Variants in CLCA2 observed in about 807,000 individuals in gnomAD.
CLCA2 encodes chloride channel accessory 2.
A neutral mutation model predicts 82.9 loss-of-function variants in CLCA2; 85 were observed. The observed-to-expected ratio is 1.03, with a 90% confidence interval of 0.86 to 1.23. The LOEUF is 1.23. CLCA2 is among the 50% of genes most tolerant of loss of function. CLCA2 has a pLI of 0.00. For synonymous variants in CLCA2, 421 were observed against 391.7 expected (o/e 1.07, Z -0.88); for missense variants, 1,089 against 1,124.8 (o/e 0.97, Z 0.45).
intron 5 of CLCA2, among the ~76,000 whole-genome samples, chr1:86,433,342 C>A (rs1336367878): frequency 6.6e-6 from 1 of 152,196 alleles, no homozygotes; most frequent in Non-Finnish European, 1.5e-5. Context: ...CCACACATGC[C>A]TCTGTGGAGT....
Position 86,438,930 on chromosome 1 carries a change from G to GT in CLCA2, c.1029dup (p.Glu344Ter), listed in dbSNP as rs770190584. 6.2e-7 allele frequency: 1 copy of GT among 1,614,114 alleles called. No individual in the cohort carries two copies. Among genetic ancestry groups the GT allele is most frequent in the Non-Finnish European group, 8.5e-7 (1 of 1,180,008 alleles). ...CGCAGAATTTTATTTGATGCAGATT[G>GT]TTGAAATTCATACCTTCGTGGGCAT... On this transcript the variant is annotated frameshift_variant, in exon 7 of 14. Coordinates refer to ENST00000370565, the MANE Select transcript of CLCA2 (RefSeq NM_006536.7). LOFTEE classifies it high-confidence loss of function.
intron 12 of CLCA2, among the ~76,000 whole-genome samples, chr1:86,452,659 C>T (rs1211866685): frequency 6.6e-6 from 1 of 152,126 alleles, no homozygotes; most frequent in Non-Finnish European, 1.5e-5. Context: ...TTTAGCTGGA[C>T]AGTTCCTACT....
chr1:86,427,564 A>T (rs1662413635), intron 2 of CLCA2, among the ~76,000 whole-genome samples: 1 of 151,864 alleles, frequency 6.6e-6, no homozygotes, highest in Admixed American at 6.6e-5. Flanking sequence ...ACACACACAC[A>T]CACACACACA....
chr1:86,442,875 T>C (rs1195828431), intron 9 of CLCA2, among the ~76,000 whole-genome samples: 3 of 152,316 alleles, frequency 2.0e-5, no homozygotes, highest in East Asian at 1.9e-4. Context: ...TTCCCATCTC[T>C]AAAATGTGGA....
At chr1:86,442,443 A>G (rs1190138407) in intron 9 of CLCA2, among the ~76,000 whole-genome samples, 1 of 152,228 alleles carries the variant, frequency 6.6e-6, no homozygotes, top group African/African-American at 2.4e-5. Flanking sequence ...GGGATCAAAT[A>G]AGCCTTAACG....
In CLCA2 at chr1:86,428,508, A is replaced by G. The variant is rs752820196; in HGVS notation, c.415A>G (p.Ile139Val). The change falls in exon 3 of 14, where the codon ATT becomes GTT. Residue 139 changes from isoleucine (I) to valine (V), a missense_variant. Physicochemically the swap from Ile to Val is conservative, Grantham distance 29. Coordinates refer to ENST00000370565, the MANE Select transcript of CLCA2 (RefSeq NM_006536.7). ...YRGCGKEGKY[I>V]HFTPNFLLND... Reference sequence around the variant, plus strand: ...AGGGTGTGGAAAAGAGGGAAAATACATTCATTTCACACCTAATTTCCTACT... The same window carrying G: ...AGGGTGTGGAAAAGAGGGAAAATACGTTCATTTCACACCTAATTTCCTACT... The G allele has an allele frequency of 1.6e-5, 26 of 1,613,782 alleles. No individual in the cohort carries two copies. The South Asian group carries it at 2.9e-4, about 18-fold the overall frequency.
intron 3 of CLCA2, 84 bp from the exon 4 acceptor site, chr1:86,430,778 C>A: frequency 1.0e-6 from 1 of 991,806 alleles, no homozygotes; most frequent in South Asian, 1.3e-5. Flanking sequence ...TATGTGTGGT[C>A]AAGAAATGTT....
In CLCA2 at chr1:86,452,583, C is replaced by T. The variant is rs1044497522; in HGVS notation, c.2156-786C>T. On this transcript the variant is annotated intron_variant, in intron 12 of 13. Transcript: ENST00000370565. ...CTTGCTTTTAATTTAGCTTTTCTAA[C>T]TTGAAACCTCTTTTTCACCTCAGGG... Among the ~76,000 whole-genome samples, 5 of 152,136 alleles carry T rather than the reference C, an allele frequency of 3.3e-5. No homozygotes were observed. The East Asian group carries it at 5.8e-4, about 18-fold the overall frequency.
At chr1:86,428,016 C>T (rs548352790) in intron 2 of CLCA2, among the ~76,000 whole-genome samples, 73 of 152,198 alleles carry the variant, frequency 4.8e-4, no homozygotes, top group Admixed American at 1.2e-3. Flanking sequence ...TGGTTCTGAA[C>T]GATGTATAAA....
In CLCA2 at chr1:86,451,257, T is replaced by C. The variant is rs185053996; in HGVS notation, c.2155+524T>C. Among the ~76,000 whole-genome samples the C allele has an allele frequency of 4.6e-5, 7 of 152,344 alleles. No individual in the cohort carries two copies. The East Asian group carries it at 1.3e-3, about 29-fold the overall frequency. Reference sequence around the variant, plus strand: ...CAAAATAAATGGAAGATAGTTATCTTTTTAACACCATTATAATAGTTCCTG... The same window carrying C: ...CAAAATAAATGGAAGATAGTTATCTCTTTAACACCATTATAATAGTTCCTG... On this transcript the variant is annotated intron_variant, in intron 12 of 13. Transcript: ENST00000370565.
At chr1:86,432,243 C>A in intron 4 of CLCA2, 126 bp from the exon 5 acceptor site, 2 of 1,071,594 alleles carry the variant, frequency 1.9e-6, no homozygotes, top group Non-Finnish European at 2.7e-6. Context: ...GCCAGTAGAG[C>A]AGTTTTTAAA....
intron 6 of CLCA2, among the ~76,000 whole-genome samples, chr1:86,437,239 C>T (rs1662632847): frequency 6.6e-6 from 1 of 152,144 alleles, no homozygotes; most frequent in South Asian, 2.1e-4. Context: ...TTATCAGATG[C>T]CTACACTGCA....
At position 86,432,397 on chromosome 1, in the gene CLCA2, G is replaced by C. The variant is rs775348972; in HGVS notation, c.613G>C (p.Val205Leu). 6.2e-7 allele frequency: 1 copy of C among 1,613,550 alleles called. No homozygotes were observed. Among genetic ancestry groups the C allele is most frequent in the Non-Finnish European group, 8.5e-7 (1 of 1,179,868 alleles). The change falls in exon 5 of 14, where the codon GTG becomes CTG. Residue 205 changes from valine (V) to leucine (L), a missense_variant. Transcript: ENST00000370565. Reference sequence around the variant, plus strand: ...TTCATCTGACATCACAGGCATTTTTGTGTGTGAAAAAGGTCCTTGCCCCCA... The same window carrying C: ...TTCATCTGACATCACAGGCATTTTTCTGTGTGAAAAAGGTCCTTGCCCCCA... Reference protein sequence around the residue: ...RCSSDITGIFVCEKGPCPQEN... With the variant: ...RCSSDITGIFLCEKGPCPQEN...
chr1:86,434,445 T>C, intron 5 of CLCA2, 73 bp from the exon 6 acceptor site: 1 of 1,263,400 alleles, frequency 7.9e-7, no homozygotes, highest in Non-Finnish European at 1.1e-6. Flanking sequence ...TTACCTATAG[T>C]TCCTTGAGAA....
chr1:86,434,741 CA>C lies in CLCA2; in HGVS notation c.969del (p.Glu324ArgfsTer16). 1 of 1,604,012 alleles carries C rather than the reference CA, an allele frequency of 6.2e-7. No individual in the cohort carries two copies. The highest frequency in any genetic ancestry group is 1.3e-5 in the African/African-American group (1 of 74,862). On this transcript the variant is annotated frameshift_variant, in exon 6 of 14. Transcript: ENST00000370565. LOFTEE classifies it high-confidence loss of function. ...GTGCTGGATGTGTCCAGCAAGATGG[CA>C]GAGGTAACATTTTGAACGAAAATGA... is the stretch of plus-strand genomic sequence containing the variant. Reference protein sequence around the residue: ...CLVLDVSSKMAEADRLLQLQQ... With the variant: ...CLVLDVSSKMXEADRLLQLQQ...
At chr1:86,438,269 C>T (rs1175909865) in intron 6 of CLCA2, among the ~76,000 whole-genome samples, 3 of 152,154 alleles carry the variant, frequency 2.0e-5, no homozygotes, top group African/African-American at 4.8e-5. Flanking sequence ...ATCACCTGCC[C>T]AAAACTGGTC....
At chr1:86,432,293 TTA>T in intron 4 of CLCA2, 74 bp from the exon 5 acceptor site, 1 of 1,526,158 alleles carries the variant, frequency 6.6e-7, no homozygotes, top group Non-Finnish European at 8.9e-7. Context: ...CTTGTAATAA[TTA>T]TATAAGCTAG....
intron 10 of CLCA2, 31 bp from the exon 11 acceptor site, chr1:86,447,477 A>G: frequency 6.4e-7 from 1 of 1,574,128 alleles, no homozygotes; most frequent in Non-Finnish European, 8.6e-7. Context: ...TTTTTTTCAC[A>G]CTTTCCAAAA....
At chr1:86,432,095 C>A (rs1662512454) in intron 4 of CLCA2, among the ~76,000 whole-genome samples, 1 of 152,080 alleles carries the variant, frequency 6.6e-6, no homozygotes, top group Admixed American at 6.5e-5. Flanking sequence ...AACACCACGC[C>A]TGGCTAATTT....
Sources: allele counts gnomAD v4.1 joint callset (sites outside exome capture counted in the v4.1 genomes callset), GRCh38; gene constraint gnomAD v4.1.1; transcripts MANE v1.5; gene names NCBI Gene and HGNC (gene_info 2026-07-23, HGNC 2026-07-21).